The following TSBP1 variants were observed in gnomAD, a reference collection of about 807,000 sequenced individuals.
TSBP1 encodes the protein testis-expressed basic protein 1.
Under a neutral mutation model 68.8 loss-of-function variants are expected in TSBP1, and 56 were observed. That is an observed-to-expected ratio of 0.81 (90% CI 0.66 to 1.02). The LOEUF is 1.02. Among genes scored for constraint, TSBP1 ranks in the 50% least tolerant of loss-of-function variants. The pLI is 0.00. For synonymous variants in TSBP1, 171 were observed against 208.7 expected (o/e 0.82, Z 1.56); for missense variants, 502 against 641.2 (o/e 0.78, Z 2.34).
chr6:32,366,407 T>C, intron 4 of TSBP1, 105 bp from the exon 5 acceptor site: 1 of 1,068,640 alleles, frequency 9.4e-7, no homozygotes, highest in South Asian at 1.3e-5. Flanking sequence ...TTTAGATCTC[T>C]GAGAAGAAAA....
At chr6:32,339,139 T>C (rs1433693786) in intron 10 of TSBP1, 140 bp from the exon 12 acceptor site, 2 of 734,116 alleles carry the variant, frequency 2.7e-6, no homozygotes, top group Non-Finnish European at 2.5e-6. Context: ...ATTTTCCTTT[T>C]TTCCTTAGGA....
chr6:32,360,531 A>G (rs1320382912), intron 6 of TSBP1, among the ~76,000 whole-genome samples: 2 of 152,208 alleles, frequency 1.3e-5, no homozygotes, highest in African/African-American at 4.8e-5. Flanking sequence ...TCTCTTCAGG[A>G]TAATGATTTT....
rs1440870003 is a variant in TSBP1, at chr6:32,340,638, G to A, written c.350-1000C>T. ...CAATTATTAATGACTATCTGGAGATGACAAGAATTTTAGGATACATGTGAG... is the reference window on the plus strand; with the variant it reads ...CAATTATTAATGACTATCTGGAGATAACAAGAATTTTAGGATACATGTGAG... On this transcript the variant is annotated intron_variant, in intron 9 of 22. Transcript: ENST00000612031. The surrounding 1 kb of genome is among the most constrained non-coding windows in gnomAD (Gnocchi z 4.8). 6.6e-6 allele frequency among the ~76,000 whole-genome samples: 1 copy of A among 152,172 alleles called. No homozygotes were observed. Among genetic ancestry groups the A allele is most frequent in the Non-Finnish European group, 1.5e-5 (1 of 68,030 alleles).
chr6:32,300,279 G>A (rs901354506), intron 21 of TSBP1, among the ~76,000 whole-genome samples: 1 of 152,048 alleles, frequency 6.6e-6, no homozygotes, highest in Admixed American at 6.5e-5. Flanking sequence ...GTTCTGGTCC[G>A]TTTGAAAAAT....
rs562622830 is a variant in TSBP1 at position 32,297,316 on chromosome 6, A to G, written c.637+2606T>C. Among the ~76,000 whole-genome samples the G allele has an allele frequency of 2.6e-5, 4 of 152,370 alleles. No individual in the cohort carries two copies. In the South Asian group the frequency reaches 8.3e-4, roughly 32 times the overall value. ...CATACTACAAAATTTTAATACAATC[A>G]AAAGATTTAATCAAGACTTTGGGGA... On this transcript the variant is annotated intron_variant, in intron 22 of 22. Coordinates refer to ENST00000612031, the Ensembl canonical transcript of TSBP1.
At position 32,297,791 on chromosome 6, in the gene TSBP1, G is replaced by A. The variant is rs556051846; in HGVS notation, c.637+2131C>T. ...AATATCAACTGGGGCCGATGCAGTG[G>A]CTCACACCTGTAATCCTAGCACTTT... On this transcript the variant is annotated intron_variant, in intron 22 of 22. Transcript: ENST00000612031. 2.0e-5 allele frequency among the ~76,000 whole-genome samples: 3 copies of A among 152,172 alleles called. No homozygotes were observed. The South Asian group carries it at 6.2e-4, about 32-fold the overall frequency.
In TSBP1 at chr6:32,360,527, C is replaced by A. The variant is rs866878544; in HGVS notation, c.218-4858G>T. ...GAATATGGGAGTGCAAATATCTCTT[C>A]AGGATAATGATTTTTATTTCCTTTG... On this transcript the variant is annotated intron_variant, in intron 6 of 22. Transcript: ENST00000612031. 3.1e-4 allele frequency among the ~76,000 whole-genome samples: 47 copies of A among 152,252 alleles called. 1 individual carries two copies. Among genetic ancestry groups the A allele is most frequent in the African/African-American group, 1.1e-3 (46 of 41,542 alleles).
intron 16 of TSBP1, among the ~76,000 whole-genome samples, chr6:32,327,320 C>T (rs1286578080): frequency 6.6e-6 from 1 of 152,142 alleles, no homozygotes; most frequent in African/African-American, 2.4e-5. Context: ...TGGTAAAAAA[C>T]GGAAGGAACA....
At chr6:32,310,512 A>G (rs1766271287) in intron 19 of TSBP1, among the ~76,000 whole-genome samples, 1 of 151,466 alleles carries the variant, frequency 6.6e-6, no homozygotes, top group African/African-American at 2.4e-5. Flanking sequence ...GAGATTTTCA[A>G]TATTTTCCAT....
rs1314232406 is a variant in TSBP1, at chr6:32,314,967, C to G, written c.580+805G>C. Among the ~76,000 whole-genome samples the G allele has an allele frequency of 6.6e-6, 1 of 152,180 alleles. No homozygotes were observed. Among genetic ancestry groups the G allele is most frequent in the Non-Finnish European group, 1.5e-5 (1 of 68,038 alleles). On this transcript the variant is annotated intron_variant, in intron 19 of 22. Coordinates refer to ENST00000612031, the Ensembl canonical transcript of TSBP1. The surrounding 1 kb of genome is among the most constrained non-coding windows in gnomAD (Gnocchi z 4.2). Reference sequence around the variant, plus strand: ...ACAGTTCCCAGGAGACTCACCTCAACTCGCTCATTTACTGACCTGCCTGGG... The same window carrying G: ...ACAGTTCCCAGGAGACTCACCTCAAGTCGCTCATTTACTGACCTGCCTGGG...
chr6:32,350,048 C>T (rs957981038), intron 8 of TSBP1: 3 of 673,044 alleles, frequency 4.5e-6, no homozygotes, highest in East Asian at 2.9e-5. Context: ...AATCTGAGGA[C>T]ATTTTTCTGT....
chr6:32,339,841 T>G (rs1176219139), intron 9 of TSBP1, among the ~76,000 whole-genome samples: 1 of 152,164 alleles, frequency 6.6e-6, no homozygotes, highest in Non-Finnish European at 1.5e-5. Flanking sequence ...AATTTCCTCA[T>G]CTCTAAAACA....
At position 32,338,016 on chromosome 6, in the gene TSBP1, T is replaced by C. The variant is rs1209896653; in HGVS notation, c.409+963A>G. Among the ~76,000 whole-genome samples the C allele has an allele frequency of 1.3e-5, 2 of 152,172 alleles. No homozygotes were observed. Among genetic ancestry groups the C allele is most frequent in the Non-Finnish European group, 2.9e-5 (2 of 68,030 alleles). On this transcript the variant is annotated intron_variant, in intron 11 of 22. Transcript: ENST00000612031. The surrounding 1 kb of genome is among the most constrained non-coding windows in gnomAD (Gnocchi z 5.5). ...CATCCTCAAAAATGAAGGATAGAAATGTGTTAAGAAGTGAATGAAACCCTG... is the reference window on the plus strand; with the variant it reads ...CATCCTCAAAAATGAAGGATAGAAACGTGTTAAGAAGTGAATGAAACCCTG...
At chr6:32,318,339 T>C (rs1767196307) in intron 18 of TSBP1, among the ~76,000 whole-genome samples, 1 of 152,122 alleles carries the variant, frequency 6.6e-6, no homozygotes, top group Non-Finnish European at 1.5e-5. Context: ...GAAAAATAAC[T>C]AAGGGGTTCT....
At chr6:32,355,805 A>G (rs575965300) in intron 6 of TSBP1, 136 bp from the exon 7 acceptor site, 2 of 1,078,738 alleles carry the variant, frequency 1.9e-6, no homozygotes, top group Admixed American at 3.4e-5. Flanking sequence ...AAATCTCCTC[A>G]TGGCTTAATT....
intron 9 of TSBP1, among the ~76,000 whole-genome samples, chr6:32,344,613 A>G (rs1770764229): frequency 6.6e-6 from 1 of 152,054 alleles, no homozygotes; most frequent in African/African-American, 2.4e-5. Flanking sequence ...TCCCCCTTTG[A>G]AAAGAAGATC....
At chr6:32,359,821 T>C (rs1424876431) in intron 6 of TSBP1, among the ~76,000 whole-genome samples, 1 of 152,174 alleles carries the variant, frequency 6.6e-6, no homozygotes, top group Non-Finnish European at 1.5e-5. Context: ...ATTAATTCAA[T>C]GAGTAGTTAG....
intron 22 of TSBP1, among the ~76,000 whole-genome samples, chr6:32,297,538 G>A (rs1275004357): frequency 6.6e-6 from 1 of 152,150 alleles, no homozygotes; most frequent in African/African-American, 2.4e-5. Flanking sequence ...GGTTGTCAGG[G>A]AGAGCACAAT....
At chr6:32,296,868 C>T (rs11970194) in intron 22 of TSBP1, among the ~76,000 whole-genome samples, 7,009 of 152,222 alleles carry the variant, frequency 0.046, 366 homozygotes, top group African/African-American at 0.13. Flanking sequence ...TTTATTCTAG[C>T]TACACCTTTC....
Sources: gnomAD v4.1 joint callset for allele counts (sites outside exome capture counted in the v4.1 genomes callset) on GRCh38, gnomAD v4.1.1 for gene constraint, Gnocchi (gnomAD v3.1) non-coding constraint, MANE v1.5 for transcripts, NCBI Gene and HGNC (gene_info 2026-07-23, HGNC 2026-07-21) for gene names.